PARD3B: variants seen among roughly 807,000 people sequenced by gnomAD.
PARD3B encodes the protein par-3 family cell polarity regulator beta, also known as partitioning defective 3 homolog B.
Under a neutral mutation model 130.2 loss-of-function variants are expected in PARD3B, and 103 were observed. That is an observed-to-expected ratio of 0.79 (90% CI 0.67 to 0.93). The LOEUF (loss-of-function observed/expected upper bound fraction) is 0.93. Among genes scored for constraint, PARD3B ranks in the 40% least tolerant of loss-of-function variants. The probability of loss-of-function intolerance (pLI) is 0.00; values close to 1 mark genes in which losing one functional copy is unlikely to be tolerated. For missense variants in PARD3B, 1,609 were observed against 1,499.2 expected, an observed-to-expected ratio of 1.07 and a Z score of -1.21; for synonymous variants, 583 against 553.2, an observed-to-expected ratio of 1.05 and a Z score of -0.76.
At chr2:204,570,826 G>A (rs1254821076) in intron 1 of PARD3B, among the ~76,000 whole-genome samples, 4 of 150,732 alleles carry the variant, frequency 2.7e-5, no homozygotes, top group East Asian at 3.9e-4. Context: ...TGTAACTGAG[G>A]TGTATAAGCT....
chr2:204,872,225 G>A (rs766294569), intron 2 of PARD3B, among the ~76,000 whole-genome samples: 4 of 151,824 alleles, frequency 2.6e-5, no homozygotes, highest in Non-Finnish European at 5.9e-5. Context: ...GGACTTATCT[G>A]CCAAATTTTA....
intron 2 of PARD3B, among the ~76,000 whole-genome samples, chr2:204,893,793 C>A (rs1419126501): frequency 6.6e-6 from 1 of 152,006 alleles, no homozygotes; most frequent in African/African-American, 2.4e-5. Flanking sequence ...CTAGTGGCTA[C>A]CATACTGAAT....
chr2:204,650,827 G>A (rs532780246), intron 1 of PARD3B, among the ~76,000 whole-genome samples: 5 of 152,138 alleles, frequency 3.3e-5, no homozygotes, highest in African/African-American at 1.2e-4. Context: ...GGAGGCCTCA[G>A]GACTCTTATG....
intron 2 of PARD3B, among the ~76,000 whole-genome samples, chr2:204,753,123 C>T (rs1046240945): frequency 2.6e-5 from 4 of 152,126 alleles, no homozygotes; most frequent in Non-Finnish European, 5.9e-5. Context: ...TTTGTCAAAA[C>T]ACTCAGACCA....
At chr2:205,113,426 T>TG in intron 5 of PARD3B, 65 bp from the exon 6 acceptor site, 1 of 1,015,238 alleles carries the variant, frequency 9.8e-7, no homozygotes, top group South Asian at 1.4e-5. Flanking sequence ...GTGTGTGTAT[T>TG]TTAGATGTGC....
rs2055448701 is a variant in PARD3B at position 205,616,718 on chromosome 2, GGGCTAAA to G, written c.*906_*912del. 1 of 152,332 alleles carries G rather than the reference GGGCTAAA, an allele frequency of 6.6e-6. No individual in the cohort carries two copies. Among genetic ancestry groups the G allele is most frequent in the East Asian group, 1.9e-4 (1 of 5,160 alleles). The allele number at this position is 152,332 out of a possible 1,614,324, so 9.4% of individuals were successfully genotyped here. On this transcript the variant is annotated 3_prime_UTR_variant, in exon 23 of 23. Coordinates refer to ENST00000406610, the MANE Select transcript of PARD3B (RefSeq NM_001302769.2). ...TGGGGTCTCTAAGGTTCCCACTTGA[GGGCTAAA>G]ATGTAGTTGGGAAAGAGGGCCTACT...
In PARD3B at chr2:205,176,092, C is replaced by A. The variant is rs1164799857; in HGVS notation, c.1792-353C>A. 6.6e-6 allele frequency among the ~76,000 whole-genome samples: 1 copy of A among 152,170 alleles called. No homozygotes were observed. Among genetic ancestry groups the A allele is most frequent in the Non-Finnish European group, 1.5e-5 (1 of 68,022 alleles). ...GAACCAGCTGGTTGGCAGAGAAACACCCTTGGCATGAACTGTATTCTTGTG... is the reference window on the plus strand; with the variant it reads ...GAACCAGCTGGTTGGCAGAGAAACAACCTTGGCATGAACTGTATTCTTGTG... On this transcript the variant is annotated intron_variant, in intron 12 of 22. Transcript: ENST00000406610. This position sits in a 1 kb window ranked among gnomAD's most constrained non-coding sequence, Gnocchi z 5.3.
At chr2:205,013,174 G>A (rs567093848) in intron 3 of PARD3B, among the ~76,000 whole-genome samples, 17 of 152,246 alleles carry the variant, frequency 1.1e-4, no homozygotes, top group South Asian at 4.1e-4. Flanking sequence ...ACAGTTTCCC[G>A]TCTGAGACTT....
At chr2:204,925,440 A>C (rs1687528122) in intron 2 of PARD3B, among the ~76,000 whole-genome samples, 1 of 152,038 alleles carries the variant, frequency 6.6e-6, no homozygotes, top group African/African-American at 2.4e-5. Flanking sequence ...TTGACCTTGT[A>C]ATTGAGCTCC....
intron 3 of PARD3B, among the ~76,000 whole-genome samples, chr2:205,024,823 T>G (rs1696894319): frequency 6.6e-6 from 1 of 152,176 alleles, no homozygotes; most frequent in Admixed American, 6.5e-5. Flanking sequence ...GATCATGTGG[T>G]TTTCTCTGGT....
chr2:205,107,384 T>A (rs956473675), intron 5 of PARD3B, among the ~76,000 whole-genome samples: 10 of 152,214 alleles, frequency 6.6e-5, no homozygotes, highest in African/African-American at 2.4e-4. Context: ...ACTTCTTTAA[T>A]ATGTATCTTC....
chr2:204,545,879 C>T lies in PARD3B; in HGVS notation c.-121C>T, dbSNP rs1180996818. Reference sequence around the variant, plus strand: ...CGAGCCTCCGGGCCTCAGGGTGTTCCGGGGAGCGGCGCCCCGGGTCTCTGG... The same window carrying T: ...CGAGCCTCCGGGCCTCAGGGTGTTCTGGGGAGCGGCGCCCCGGGTCTCTGG... On this transcript the variant is annotated 5_prime_UTR_variant, in exon 1 of 23. Transcript: ENST00000406610. The T allele has an allele frequency of 1.7e-6, 2 of 1,169,152 alleles. No individual in the cohort carries two copies. The highest frequency in any genetic ancestry group is 3.1e-5 in the East Asian group (1 of 32,280). The allele number at this position is 1,169,152 out of a possible 1,614,324, so 72.4% of individuals were successfully genotyped here. A position where few individuals can be genotyped will look rare whatever the true frequency, so the allele number is the denominator to read the frequency against.
At chr2:205,570,693 A>T (rs917741337) in intron 22 of PARD3B, among the ~76,000 whole-genome samples, 6 of 152,188 alleles carry the variant, frequency 3.9e-5, no homozygotes, top group Admixed American at 6.5e-5. Flanking sequence ...TTGCACCACA[A>T]TGTGAAATAC....
Position 205,388,709 on chromosome 2 carries a change from G to GA in PARD3B, c.2631-12295dup, listed in dbSNP as rs199770389. On this transcript the variant is annotated intron_variant, in intron 18 of 22. Coordinates refer to ENST00000406610, the MANE Select transcript of PARD3B (RefSeq NM_001302769.2). ...AATCCCATGGGAAATCTATTTCTAT[G>GA]AAAAAAAAACTTGTCTTTTGTTCAG... is the stretch of plus-strand genomic sequence containing the variant. 2.2e-3 allele frequency among the ~76,000 whole-genome samples: 326 copies of GA among 151,202 alleles called. 1 individual carries two copies. Among genetic ancestry groups the GA allele is most frequent in the Middle Eastern group, 0.02 (6 of 294 alleles).
intron 16 of PARD3B, among the ~76,000 whole-genome samples, chr2:205,252,468 T>A (rs1019040672): frequency 2.0e-5 from 3 of 152,134 alleles, no homozygotes; most frequent in Non-Finnish European, 4.4e-5. Flanking sequence ...TAATTCCATT[T>A]GGAATTGGGG....
chr2:204,670,767 A>G (rs1206946418), intron 1 of PARD3B, among the ~76,000 whole-genome samples: 1 of 152,114 alleles, frequency 6.6e-6, no homozygotes, highest in East Asian at 1.9e-4. Flanking sequence ...TGAGCCCATA[A>G]CTATGGTTGC....
intron 3 of PARD3B, among the ~76,000 whole-genome samples, chr2:204,968,798 G>A (rs236841): frequency 0.21 from 32,367 of 152,130 alleles, 4,162 homozygotes; most frequent in East Asian, 0.59. Context: ...TTACAAAGAC[G>A]AACAGCAGAA....
At chr2:204,833,771 A>G (rs2125573079) in intron 2 of PARD3B, among the ~76,000 whole-genome samples, 1 of 152,186 alleles carries the variant, frequency 6.6e-6, no homozygotes, top group African/African-American at 2.4e-5. Context: ...TTTTCTTTAT[A>G]AACACCCAGC....
chr2:204,565,098 G>A (rs1217643759), intron 1 of PARD3B, among the ~76,000 whole-genome samples: 1 of 152,136 alleles, frequency 6.6e-6, no homozygotes, highest in Non-Finnish European at 1.5e-5. Flanking sequence ...GTTTCTGTAG[G>A]ATTGAGGGGC....
Sources: allele counts gnomAD v4.1 joint callset (sites outside exome capture counted in the v4.1 genomes callset), GRCh38; gene constraint gnomAD v4.1.1; non-coding constraint Gnocchi (gnomAD v3.1); transcripts MANE v1.5; gene names NCBI Gene and HGNC (gene_info 2026-07-23, HGNC 2026-07-21).